Variants in SLC12A1 observed in about 807,000 individuals in gnomAD.
The protein encoded by SLC12A1 is Na-K-2Cl cotransporter.
In SLC12A1, 89 loss-of-function variants were observed where a neutral mutation model predicts 130.4. That is an observed-to-expected ratio of 0.68 (90% CI 0.58 to 0.81). The LOEUF is 0.81. Ranked by LOEUF, SLC12A1 falls within the 40% of genes least tolerant of loss-of-function variation. The pLI is 0.00. For missense variants in SLC12A1, 1,310 were observed against 1,336.4 expected (o/e 0.98, Z 0.31); for synonymous variants, 499 against 460.0 (o/e 1.08, Z -1.09).
intron 20 of SLC12A1, among the ~76,000 whole-genome samples, chr15:48,280,109 T>C (rs2041995633): frequency 6.6e-6 from 1 of 151,724 alleles, no homozygotes; most frequent in African/African-American, 2.4e-5. Context: ...CTCTCTATCC[T>C]TAAGATTCAA....
chr15:48,226,863 G>A, intron 5 of SLC12A1: 1 of 595,230 alleles, frequency 1.7e-6, no homozygotes, highest in Non-Finnish European at 3.0e-6. Flanking sequence ...TCTAGCTGAT[G>A]TTCCTTGGAA....
intron 25 of SLC12A1, 53 bp from the exon 26 acceptor site, chr15:48,301,262 T>C: frequency 1.7e-6 from 2 of 1,160,464 alleles, no homozygotes; most frequent in Middle Eastern, 1.9e-4. Flanking sequence ...AAATAAATTC[T>C]CATTCATAAT....
chr15:48,299,344 A>C (rs2141129781), intron 25 of SLC12A1, 69 bp downstream of exon 25: 1 of 1,287,320 alleles, frequency 7.8e-7, no homozygotes, highest in South Asian at 1.7e-5. Context: ...AGTTGATTTA[A>C]AGACAAAGAA....
At chr15:48,277,756 T>C (rs573157771) in intron 20 of SLC12A1, among the ~76,000 whole-genome samples, 1 of 152,336 alleles carries the variant, frequency 6.6e-6, no homozygotes, top group South Asian at 2.1e-4. Flanking sequence ...GGTTCATTAT[T>C]GTCTACATCA....
chr15:48,301,511 G>GGGGGGGCGGCCCC, intron 26 of SLC12A1, 129 bp downstream of exon 26: 1 of 478,136 alleles, frequency 2.1e-6, no homozygotes. Flanking sequence ...TTGGGGGGGG[G>GGGGGGGCGGCCCC]AACACGTGGG....
At chr15:48,285,647 G>C (rs1466723433) in intron 21 of SLC12A1, among the ~76,000 whole-genome samples, 12 of 152,180 alleles carry the variant, frequency 7.9e-5, no homozygotes, top group Admixed American at 7.9e-4. Context: ...AATACGACTA[G>C]TACATGCAAA....
chr15:48,289,274 T>A (rs1445691548), intron 23 of SLC12A1, among the ~76,000 whole-genome samples: 1 of 151,156 alleles, frequency 6.6e-6, no homozygotes, highest in East Asian at 1.9e-4. Flanking sequence ...ACTGAGGGAC[T>A]AAGCTCTGAG....
intron 4 of SLC12A1, 190 bp from the exon 5 acceptor site, chr15:48,226,286 A>G (rs2041284749): frequency 3.9e-6 from 2 of 508,862 alleles, no homozygotes; most frequent in Admixed American, 4.3e-5. Flanking sequence ...ACCATCCTTC[A>G]TCATAATGAG....
At chr15:48,247,193 T>C (rs796390795) in intron 12 of SLC12A1, 144 bp from the exon 13 acceptor site, 2 of 926,926 alleles carry the variant, frequency 2.2e-6, no homozygotes, top group Non-Finnish European at 3.3e-6. Context: ...TCAAATAATA[T>C]AAAGAATGAT....
intron 23 of SLC12A1, among the ~76,000 whole-genome samples, 173 bp from the exon 24 acceptor site, chr15:48,291,605 A>G (rs2042122300): frequency 6.6e-6 from 1 of 152,218 alleles, no homozygotes; most frequent in African/African-American, 2.4e-5. Context: ...TCCACACTTA[A>G]TGCGTTCATC....
intron 4 of SLC12A1, chr15:48,221,214 A>T: frequency 1.5e-6 from 1 of 663,668 alleles, no homozygotes; most frequent in Non-Finnish European, 2.7e-6. Context: ...AAACAGGTGA[A>T]TGCTCAAGGA....
At position 48,299,197 on chromosome 15, in the gene SLC12A1, T is replaced by C; in HGVS notation, c.3018T>C (p.Asp1006=). The C allele has an allele frequency of 6.2e-7, 1 of 1,608,884 alleles. No individual in the cohort carries two copies. Among genetic ancestry groups the C allele is most frequent in the Non-Finnish European group, 8.5e-7 (1 of 1,178,426 alleles). Residue 1006 remains aspartate (D), a synonymous_variant, in exon 25 of 27, where the codon GAT becomes GAC. Coordinates refer to ENST00000380993, the MANE Select transcript of SLC12A1 (RefSeq NM_000338.3). ...ATCGTCTCCATGAAAGCTGCAAAGA[T>C]TTAACAACTGCTGAGAAATTAAAAA... ...EPYRLHESCK[D]LTTAEKLKRE... is the part of the protein sequence containing the mutation.
intron 2 of SLC12A1, among the ~76,000 whole-genome samples, chr15:48,211,715 T>C (rs2041054071): frequency 6.6e-6 from 1 of 152,194 alleles, no homozygotes; most frequent in East Asian, 1.9e-4. Context: ...AGTTGGATTT[T>C]GCGTAAATTT....
intron 2 of SLC12A1, among the ~76,000 whole-genome samples, chr15:48,212,971 C>A (rs1190743858): frequency 2.0e-5 from 3 of 152,226 alleles, no homozygotes; most frequent in Non-Finnish European, 4.4e-5. Context: ...TGTGCTCACA[C>A]TTAAAAAATT....
intron 17 of SLC12A1, among the ~76,000 whole-genome samples, chr15:48,265,815 G>A (rs948046225): frequency 5.9e-5 from 9 of 152,052 alleles, no homozygotes; most frequent in African/African-American, 1.9e-4. Context: ...TGAATGTTGT[G>A]TAATAGAAAT....
At chr15:48,210,693 T>TAAAAAAAAAAAAAAA (rs34235092) in intron 2 of SLC12A1, among the ~76,000 whole-genome samples, 1 of 122,640 alleles carries the variant, frequency 8.2e-6, no homozygotes. Flanking sequence ...CTTCTCTACT[T>TAAAAAAAAAAAAAAA]AAAAAAAAAA....
intron 2 of SLC12A1, among the ~76,000 whole-genome samples, chr15:48,216,574 T>C (rs1272367774): frequency 6.6e-6 from 1 of 152,032 alleles, no homozygotes; most frequent in East Asian, 1.9e-4. Flanking sequence ...GATCCCCAAT[T>C]AATCTACACA....
chr15:48,301,296 A>T lies in SLC12A1; in HGVS notation c.3097-19A>T. 1 of 1,575,626 alleles carries T rather than the reference A, an allele frequency of 6.3e-7. No homozygotes were observed. The highest frequency in any genetic ancestry group is 8.7e-7 in the Non-Finnish European group (1 of 1,153,428). On this transcript the variant is annotated intron_variant, in intron 25 of 26. Transcript: ENST00000380993. ...ATTCTGGTAGAACTGTACTCAACAA[A>T]TCTGAATGTTGCCCACAGAGTTACC...
At chr15:48,240,624 A>G (rs2041505165) in intron 9 of SLC12A1, among the ~76,000 whole-genome samples, 1 of 152,118 alleles carries the variant, frequency 6.6e-6, no homozygotes, top group Non-Finnish European at 1.5e-5. Context: ...GCTTATTTGT[A>G]TTGATGAGTC....
Sources: gnomAD v4.1 joint callset for allele counts (sites outside exome capture counted in the v4.1 genomes callset) on GRCh38, gnomAD v4.1.1 for gene constraint, MANE v1.5 for transcripts, NCBI Gene and HGNC (gene_info 2026-07-23, HGNC 2026-07-21) for gene names.